The following CCSER1 variants were observed in gnomAD, a reference collection of about 807,000 sequenced individuals.
CCSER1 encodes the protein coiled-coil serine rich protein 1.
In CCSER1, 41 loss-of-function variants were observed where a neutral mutation model predicts 82.0. The observed-to-expected ratio is 0.50, with a 90% CI of 0.39 to 0.65. The LOEUF (loss-of-function observed/expected upper bound fraction) is 0.65. Among genes scored for constraint, CCSER1 ranks in the 30% least tolerant of loss-of-function variants. The probability of loss-of-function intolerance (pLI) is 0.00; values close to 1 mark genes in which losing one functional copy is unlikely to be tolerated. For synonymous variants in CCSER1, 414 were observed against 383.9 expected, an observed-to-expected ratio of 1.08 and a Z score of -0.92; for missense variants, 1,119 against 1,064.2, an observed-to-expected ratio of 1.05 and a Z score of -0.72.
chr4:91,290,669 T>G (rs893702284), intron 10 of CCSER1, among the ~76,000 whole-genome samples: 2 of 152,004 alleles, frequency 1.3e-5, no homozygotes, highest in African/African-American at 4.8e-5. Context: ...TGTTACAGTT[T>G]TGTCTTACCA....
intron 10 of CCSER1, among the ~76,000 whole-genome samples, chr4:91,223,901 T>G (rs960691341): frequency 1.3e-5 from 2 of 152,164 alleles, no homozygotes; most frequent in African/African-American, 4.8e-5. Flanking sequence ...GCACTTTGTC[T>G]ATGCAATGAA....
Position 90,174,818 on chromosome 4 carries a change from C to A in CCSER1, c.-42+46987C>A, listed in dbSNP as rs1389520047. 2.0e-5 allele frequency among the ~76,000 whole-genome samples: 3 copies of A among 151,954 alleles called. No individual in the cohort carries two copies. The East Asian group carries it at 5.8e-4, about 29-fold the overall frequency. ...AGTACCTATTCCCACAAGTGGCAAA[C>A]CTATTAGAGAAGTTACAATTAAAAA... is the stretch of plus-strand genomic sequence containing the variant. On this transcript the variant is annotated intron_variant, in intron 1 of 10. Transcript: ENST00000509176.
At chr4:90,364,836 T>C (rs1490687394) in intron 3 of CCSER1, among the ~76,000 whole-genome samples, 2 of 151,902 alleles carry the variant, frequency 1.3e-5, no homozygotes, top group Non-Finnish European at 2.9e-5. Flanking sequence ...AAGAGAATCT[T>C]ATAGGTCAAA....
At chr4:90,297,057 G>A (rs1732102305) in intron 1 of CCSER1, among the ~76,000 whole-genome samples, 1 of 151,880 alleles carries the variant, frequency 6.6e-6, no homozygotes, top group African/African-American at 2.4e-5. Flanking sequence ...GATGGGGATG[G>A]CATTGGATCT....
intron 1 of CCSER1, among the ~76,000 whole-genome samples, chr4:90,215,084 A>G (rs1203177797): frequency 6.6e-6 from 1 of 152,134 alleles, no homozygotes; most frequent in Non-Finnish European, 1.5e-5. Context: ...TTCTCTTTAC[A>G]TTATGTTTTT....
chr4:91,047,239 TACAC>T (rs1268690345), intron 9 of CCSER1, among the ~76,000 whole-genome samples: 6 of 151,512 alleles, frequency 4.0e-5, no homozygotes, highest in Admixed American at 6.6e-5. Context: ...CATATATATA[TACAC>T]ACACACACAC....
intron 10 of CCSER1, among the ~76,000 whole-genome samples, chr4:91,529,963 C>T (rs189909727): frequency 9.2e-5 from 14 of 152,080 alleles, no homozygotes; most frequent in Non-Finnish European, 1.6e-4. Context: ...AGTATTTCTT[C>T]TCATTATGAA....
chr4:91,195,300 A>G (rs1479250334), intron 10 of CCSER1, among the ~76,000 whole-genome samples: 1 of 152,242 alleles, frequency 6.6e-6, no homozygotes, highest in East Asian at 1.9e-4. Flanking sequence ...TGTAGTCAAC[A>G]TTAAAATGTT....
chr4:91,203,168 A>T (rs530453715), intron 10 of CCSER1, among the ~76,000 whole-genome samples: 1 of 151,968 alleles, frequency 6.6e-6, no homozygotes, highest in Admixed American at 6.6e-5. Context: ...TTGTTTCCTG[A>T]CTTTTTAATG....
intron 9 of CCSER1, among the ~76,000 whole-genome samples, chr4:91,000,219 GGTATAGTATAGTATA>G (rs60452811): frequency 0.24 from 29,924 of 127,112 alleles, 3,227 homozygotes; most frequent in Non-Finnish European, 0.27. Flanking sequence ...GTATAGTATA[GGTATAGTATAGTATA>G]GTATAGTATA....
intron 9 of CCSER1, among the ~76,000 whole-genome samples, chr4:91,001,235 AC>A (rs896382409): frequency 6.6e-6 from 1 of 152,146 alleles, no homozygotes; most frequent in African/African-American, 2.4e-5. Context: ...TATTGAACCA[AC>A]CTTGCATCCC....
chr4:91,347,935 T>C (rs1748171873), intron 10 of CCSER1, among the ~76,000 whole-genome samples: 1 of 152,040 alleles, frequency 6.6e-6, no homozygotes, highest in Admixed American at 6.6e-5. Context: ...CAGTTTTATT[T>C]CTTCCTTCCC....
At chr4:90,759,975 T>A (rs1750175358) in intron 7 of CCSER1, among the ~76,000 whole-genome samples, 1 of 151,996 alleles carries the variant, frequency 6.6e-6, no homozygotes. Flanking sequence ...ATTATTACAT[T>A]TTAATATTGT....
chr4:91,032,361 T>G (rs1741056665), intron 9 of CCSER1, among the ~76,000 whole-genome samples: 1 of 152,170 alleles, frequency 6.6e-6, no homozygotes, highest in African/African-American at 2.4e-5. Flanking sequence ...TCATTTGTAC[T>G]CTCAATAGCA....
chr4:90,217,163 C>T (rs1026271524), intron 1 of CCSER1, among the ~76,000 whole-genome samples: 2 of 152,092 alleles, frequency 1.3e-5, no homozygotes, highest in African/African-American at 4.8e-5. Context: ...CATTTATCAG[C>T]TCCAGGAGCC....
At chr4:90,258,270 T>A (rs1723706078) in intron 1 of CCSER1, among the ~76,000 whole-genome samples, 1 of 152,118 alleles carries the variant, frequency 6.6e-6, no homozygotes, top group Non-Finnish European at 1.5e-5. Flanking sequence ...ATCCCAGCAC[T>A]TTGGGAGGCC....
At chr4:90,437,310 T>C (rs184958362) in intron 4 of CCSER1, among the ~76,000 whole-genome samples, 6 of 151,910 alleles carry the variant, frequency 3.9e-5, no homozygotes, top group African/African-American at 7.3e-5. Context: ...CACACAGATA[T>C]AGGTGTTTTA....
intron 3 of CCSER1, among the ~76,000 whole-genome samples, chr4:90,388,299 ATGT>A (rs1384690187): frequency 1.3e-5 from 2 of 150,290 alleles, no homozygotes; most frequent in African/African-American, 4.9e-5. Context: ...AGTACAAGTG[ATGT>A]TTGTTTGTTT....
intron 1 of CCSER1, among the ~76,000 whole-genome samples, chr4:90,131,622 C>T (rs1215372875): frequency 2.0e-5 from 3 of 152,100 alleles, no homozygotes; most frequent in African/African-American, 7.2e-5. Context: ...TTTTAAACTT[C>T]TTAGATTTAT....
Sources: gnomAD v4.1 joint callset for allele counts (sites outside exome capture counted in the v4.1 genomes callset) on GRCh38, gnomAD v4.1.1 for gene constraint, MANE v1.5 for transcripts, NCBI Gene and HGNC (gene_info 2026-07-23, HGNC 2026-07-21) for gene names.